Variants in DLG1 observed in about 807,000 individuals in gnomAD.
DLG1 encodes the protein disks large homolog 1.
In DLG1, 42 loss-of-function variants were observed where a neutral mutation model predicts 123.4. The ratio of observed to expected loss-of-function variants is 0.34; its 90% CI spans 0.27 to 0.44. The LOEUF (loss-of-function observed/expected upper bound fraction) is 0.44, where lower values mean the gene tolerates loss of function less well. Among genes scored for constraint, DLG1 ranks in the 20% least tolerant of loss-of-function variants. DLG1 has a pLI of 1.00. For synonymous variants in DLG1, 317 were observed against 356.2 expected, an observed-to-expected ratio of 0.89 and a Z score of 1.24; for missense variants, 942 against 1,082.6, an observed-to-expected ratio of 0.87 and a Z score of 1.82.
chr3:197,228,434 C>A (rs529430840), intron 4 of DLG1, among the ~76,000 whole-genome samples: 7 of 152,310 alleles, frequency 4.6e-5, no homozygotes, highest in Non-Finnish European at 1.0e-4. Flanking sequence ...GTTGGTTACA[C>A]AATAAACATG....
intron 4 of DLG1, among the ~76,000 whole-genome samples, chr3:197,245,553 G>C (rs1751208433): frequency 6.6e-6 from 1 of 152,066 alleles, no homozygotes; most frequent in African/African-American, 2.4e-5. Context: ...TACATCCATA[G>C]ACTTTAAGAA....
At chr3:197,253,052 C>A (rs1310774810) in intron 4 of DLG1, among the ~76,000 whole-genome samples, 1 of 152,068 alleles carries the variant, frequency 6.6e-6, no homozygotes, top group Non-Finnish European at 1.5e-5. Context: ...GATTTGTCAC[C>A]TAACTTGATA....
At chr3:197,084,689 A>C (rs752178771) in intron 16 of DLG1, among the ~76,000 whole-genome samples, 11 of 152,044 alleles carry the variant, frequency 7.2e-5, no homozygotes, top group Non-Finnish European at 1.2e-4. Flanking sequence ...TAAAAAACTG[A>C]GCATAAAATC....
chr3:197,048,061 T>C (rs1293904636), intron 24 of DLG1, among the ~76,000 whole-genome samples: 2 of 152,106 alleles, frequency 1.3e-5, no homozygotes, highest in East Asian at 1.9e-4. Flanking sequence ...TACCAAATAA[T>C]CCATTTAAAA....
At chr3:197,069,143 C>CA (rs1491444769) in intron 19 of DLG1, 76 bp downstream of exon 19, 1 of 936,630 alleles carries the variant, frequency 1.1e-6, no homozygotes, top group African/African-American at 1.7e-5. Context: ...TATAACATAT[C>CA]ACTCAGAATC....
intron 4 of DLG1, among the ~76,000 whole-genome samples, chr3:197,280,528 G>A (rs1768805170): frequency 6.6e-6 from 1 of 152,102 alleles, no homozygotes; most frequent in Admixed American, 6.6e-5. Flanking sequence ...TTGCTGGTGG[G>A]CAGTTCTATT....
chr3:197,130,807 T>C (rs1782093874), intron 10 of DLG1, 136 bp from the exon 11 acceptor site: 5 of 635,288 alleles, frequency 7.9e-6, no homozygotes, highest in Non-Finnish European at 1.3e-5. Flanking sequence ...AATACCCATG[T>C]TTGATGTCTA....
intron 10 of DLG1, among the ~76,000 whole-genome samples, chr3:197,135,802 T>C (rs1404680779): frequency 1.3e-5 from 2 of 150,072 alleles, no homozygotes; most frequent in Non-Finnish European, 3.0e-5. Flanking sequence ...TTTAGGCATA[T>C]GTATATAATT....
chr3:197,247,381 T>C (rs1752249050), intron 4 of DLG1, among the ~76,000 whole-genome samples: 1 of 151,980 alleles, frequency 6.6e-6, no homozygotes, highest in Admixed American at 6.6e-5. Flanking sequence ...CAGATACAGG[T>C]GGTCTAGTGG....
chr3:197,102,170 A>G (rs1325112451), intron 14 of DLG1, among the ~76,000 whole-genome samples: 1 of 152,222 alleles, frequency 6.6e-6, no homozygotes, highest in Non-Finnish European at 1.5e-5. Context: ...ATGTTCCTTC[A>G]TATGTCTTGT....
At chr3:197,171,822 T>TA (rs1804336361) in intron 5 of DLG1, among the ~76,000 whole-genome samples, 1 of 152,124 alleles carries the variant, frequency 6.6e-6, no homozygotes, top group Admixed American at 6.5e-5. Context: ...CCAAATGCAA[T>TA]AATGTGCTTT....
intron 23 of DLG1, among the ~76,000 whole-genome samples, chr3:197,053,649 G>A (rs1473182767): frequency 6.6e-6 from 1 of 151,818 alleles, no homozygotes; most frequent in East Asian, 1.9e-4. Context: ...GTGAGTCCCT[G>A]TAATCCCAGC....
intron 6 of DLG1, among the ~76,000 whole-genome samples, chr3:197,145,578 A>G (rs542031391): frequency 2.6e-5 from 4 of 152,338 alleles, no homozygotes; most frequent in South Asian, 4.1e-4. Flanking sequence ...AAACATTTCC[A>G]AATGAGTGTG....
Position 197,119,429 on chromosome 3 carries a change from C to G in DLG1, c.1267G>C (p.Gly423Arg), listed in dbSNP as rs778961421. ...RYSPVSKAVL[G>R]DDEITREPRK... The stretch of plus-strand genomic sequence containing the variant: ...CCTTACCTTGTAATTTCATCATCTC[C>G]AAGTACTGCTTTAGAAACTGGGGAG... The change falls in exon 12 of 25, where the codon GGA (glycine) becomes CGA (arginine). Residue 423 changes from glycine to arginine, a missense_variant. Coordinates refer to ENST00000667157, the MANE Select transcript of DLG1 (RefSeq NM_001366207.1). The G allele has an allele frequency of 3.1e-6, 5 of 1,606,912 alleles. No homozygotes were observed. The South Asian group carries it at 5.5e-5, about 18-fold the overall frequency.
chr3:197,231,708 A>AC (rs905346750), intron 4 of DLG1, among the ~76,000 whole-genome samples: 2 of 144,148 alleles, frequency 1.4e-5, no homozygotes, highest in African/African-American at 4.9e-5. Context: ...AAAAAAAAAA[A>AC]AACAACAAAA....
At chr3:197,280,697 A>G (rs961080764) in intron 4 of DLG1, among the ~76,000 whole-genome samples, 3 of 152,198 alleles carry the variant, frequency 2.0e-5, no homozygotes, top group African/African-American at 4.8e-5. Flanking sequence ...AGGCTTTATA[A>G]TCAAGGGTAT....
At chr3:197,124,294 T>G (rs1777902003) in intron 11 of DLG1, among the ~76,000 whole-genome samples, 1 of 152,196 alleles carries the variant, frequency 6.6e-6, no homozygotes, top group African/African-American at 2.4e-5. Flanking sequence ...TTTATTTTTC[T>G]TACAGAGTCT....
intron 5 of DLG1, among the ~76,000 whole-genome samples, chr3:197,150,448 G>C (rs1367796114): frequency 2.6e-5 from 4 of 151,972 alleles, no homozygotes. Flanking sequence ...TTTCTGGTTA[G>C]GTTAGAAATT....
chr3:197,201,070 T>C (rs902869134), intron 4 of DLG1, among the ~76,000 whole-genome samples: 26 of 152,306 alleles, frequency 1.7e-4, no homozygotes, highest in African/African-American at 6.3e-4. Flanking sequence ...GATGACATCA[T>C]CTTTTATCTA....
Sources: gnomAD v4.1 joint callset for allele counts (sites outside exome capture counted in the v4.1 genomes callset) on GRCh38, gnomAD v4.1.1 for gene constraint, MANE v1.5 for transcripts, NCBI Gene and HGNC (gene_info 2026-07-23, HGNC 2026-07-21) for gene names.